EPM2A: variants seen among roughly 807,000 people sequenced by gnomAD.
EPM2A encodes laforin.
A neutral mutation model predicts 26.5 loss-of-function variants in EPM2A; 21 were observed. The observed-to-expected ratio is 0.79, with a 90% CI of 0.56 to 1.14. The LOEUF (loss-of-function observed/expected upper bound fraction) is 1.14, where lower values mean the gene tolerates loss of function less well. Among genes scored for constraint, EPM2A ranks in the 50% most tolerant of loss-of-function variants. The pLI, the probability that EPM2A is intolerant of heterozygous loss-of-function variation, is 0.00. For missense variants in EPM2A, 458 were observed against 440.8 expected (o/e 1.04, Z -0.35); for synonymous variants, 217 against 177.6 (o/e 1.22, Z -1.76).
At chr6:145,504,479 A>C (rs1779941483) in intron 2 of EPM2A, among the ~76,000 whole-genome samples, 1 of 122,844 alleles carries the variant, frequency 8.1e-6, no homozygotes, top group Non-Finnish European at 1.7e-5. Context: ...ATGCAGCCAA[A>C]AAACACATGA....
In EPM2A at chr6:145,421,881, T is replaced by C. The variant is rs116048779; in HGVS notation, c.556-37784A>G. On this transcript the variant is annotated intron_variant, in intron 4 of 4. Coordinates refer to the EPM2A transcript ENST00000638717. ...GCTAAAATAGAATTTAAGGAAAAAA[T>C]TATAAAAAGAGACAAGTGAAGATAC... is the stretch of plus-strand genomic sequence containing the variant. 6.0e-3 allele frequency among the ~76,000 whole-genome samples: 899 copies of C among 148,974 alleles called. 6 individuals are homozygous for C. The highest frequency in any genetic ancestry group is 0.021 in the African/African-American group (865 of 41,056).
chr6:145,459,761 A>G (rs1779305346), intron 4 of EPM2A, among the ~76,000 whole-genome samples: 1 of 152,162 alleles, frequency 6.6e-6, no homozygotes, highest in South Asian at 2.1e-4. Context: ...CCCTATCTGC[A>G]CATATAACTT....
rs76839849 is a variant in EPM2A at position 145,648,649 on chromosome 6, A to G, written c.477-13163T>C. 4.1e-3 allele frequency among the ~76,000 whole-genome samples: 630 copies of G among 152,292 alleles called. 1 individual carries two copies. Among genetic ancestry groups the G allele is most frequent in the African/African-American group, 0.014 (598 of 41,560 alleles). On this transcript the variant is annotated intron_variant, in intron 2 of 3. Coordinates refer to ENST00000367519, the MANE Select transcript of EPM2A (RefSeq NM_005670.4). Reference sequence around the variant, plus strand: ...TCAAAATATCTCTGCTGAATCCTCAATTAAGTTCAGAATATCTGAGGCAGT... The same window carrying G: ...TCAAAATATCTCTGCTGAATCCTCAGTTAAGTTCAGAATATCTGAGGCAGT...
chr6:145,699,482 G>C (rs1256630628), intron 1 of EPM2A, among the ~76,000 whole-genome samples: 1 of 152,166 alleles, frequency 6.6e-6, no homozygotes, highest in East Asian at 1.9e-4. Context: ...GTTGGAGAAG[G>C]TAATATCAGT....
intron 2 of EPM2A, among the ~76,000 whole-genome samples, chr6:145,585,908 A>C (rs1318963089): frequency 6.6e-6 from 1 of 152,154 alleles, no homozygotes; most frequent in Non-Finnish European, 1.5e-5. Flanking sequence ...CCAATTTTTC[A>C]TGAATTATTA....
chr6:145,633,854 T>C (rs1412183056), intron 3 of EPM2A: 1 of 152,268 alleles, frequency 6.6e-6, no homozygotes, highest in African/African-American at 2.4e-5. Context: ...GTAAAGTTGC[T>C]GTCTGGAGCA....
At chr6:145,530,027 T>G (rs1780332414) in intron 2 of EPM2A, among the ~76,000 whole-genome samples, 1 of 152,190 alleles carries the variant, frequency 6.6e-6, no homozygotes, top group South Asian at 2.1e-4. Context: ...ATCATCACTT[T>G]GAGGTTCAAA....
At chr6:145,569,314 C>G (rs1236281862) in intron 2 of EPM2A, among the ~76,000 whole-genome samples, 1 of 152,172 alleles carries the variant, frequency 6.6e-6, no homozygotes, top group Non-Finnish European at 1.5e-5. Context: ...TTGTGGGGTA[C>G]AATTACTCAC....
intron 2 of EPM2A, among the ~76,000 whole-genome samples, chr6:145,540,324 G>A (rs1162476202): frequency 2.0e-5 from 3 of 152,194 alleles, no homozygotes. Flanking sequence ...TGCTGTGAAA[G>A]AGTTCTGAAT....
At chr6:145,599,814 A>C (rs1438523928) in intron 2 of EPM2A, among the ~76,000 whole-genome samples, 1 of 152,026 alleles carries the variant, frequency 6.6e-6, no homozygotes, top group East Asian at 1.9e-4. Context: ...AAGTATTAAA[A>C]ATAAACTATC....
At chr6:145,703,068 A>T (rs898161855) in intron 1 of EPM2A, among the ~76,000 whole-genome samples, 8 of 150,560 alleles carry the variant, frequency 5.3e-5, no homozygotes. Context: ...ACTTTCTCTT[A>T]TCAGCAAATT....
chr6:145,579,704 A>T (rs1402073674), intron 2 of EPM2A, among the ~76,000 whole-genome samples: 2 of 152,336 alleles, frequency 1.3e-5, no homozygotes, highest in East Asian at 3.9e-4. Context: ...ATGGTTAAGT[A>T]TAGCATGTTG....
At chr6:145,734,166 AC>A in intron 1 of EPM2A, among the ~76,000 whole-genome samples, 1 of 152,350 alleles carries the variant, frequency 6.6e-6, no homozygotes, top group Middle Eastern at 3.4e-3. Context: ...TTAAGCCACT[AC>A]TGTTTACGAC....
At chr6:145,495,311 T>TTG (rs1779803001) in intron 4 of EPM2A, among the ~76,000 whole-genome samples, 1 of 45,554 alleles carries the variant, frequency 2.2e-5, no homozygotes, top group Non-Finnish European at 5.2e-5. Context: ...ACCACTGGGA[T>TTG]TTTTTTTTTT....
rs878901566 is a variant in EPM2A, at chr6:145,627,317, C to T, written c.*99G>A. The T allele has an allele frequency of 7.2e-5, 115 of 1,598,682 alleles. 3 individuals carry two copies. In the South Asian group the frequency reaches 1.2e-3, roughly 17 times the overall value. ...GTTGGCTTGGGGGAGGTCACACAGT[C>T]CTTTCAGTTCAGGTAGAATCCTTGT... is the stretch of plus-strand genomic sequence containing the variant. On this transcript the variant is annotated 3_prime_UTR_variant, in exon 4 of 4. Coordinates refer to ENST00000367519, the MANE Select transcript of EPM2A (RefSeq NM_005670.4).
chr6:145,520,852 T>C (rs1780193412), intron 2 of EPM2A, among the ~76,000 whole-genome samples: 1 of 152,194 alleles, frequency 6.6e-6, no homozygotes. Context: ...AATGTAATGG[T>C]TAATCAAAGA....
intron 1 of EPM2A, among the ~76,000 whole-genome samples, chr6:145,703,503 C>G: frequency 6.6e-6 from 1 of 152,098 alleles, no homozygotes; most frequent in East Asian, 1.9e-4. Context: ...AATATTTATT[C>G]TATCTACATC....
At chr6:145,644,887 A>C (rs1170470015) in intron 2 of EPM2A, among the ~76,000 whole-genome samples, 2 of 152,170 alleles carry the variant, frequency 1.3e-5, no homozygotes, top group Non-Finnish European at 2.9e-5. Flanking sequence ...ATATGGGAAA[A>C]CAGATACTTG....
chr6:145,489,885 G>A (rs1296158845), intron 4 of EPM2A: 13 of 1,361,182 alleles, frequency 9.6e-6, no homozygotes, highest in Admixed American at 8.5e-5. Context: ...GCTTCTCTAC[G>A]TGTACTTCAG....
Sources: allele counts gnomAD v4.1 joint callset (sites outside exome capture counted in the v4.1 genomes callset), GRCh38; gene constraint gnomAD v4.1.1; transcripts MANE v1.5; gene names NCBI Gene and HGNC (gene_info 2026-07-23, HGNC 2026-07-21).